GRM5: variants seen among roughly 807,000 people sequenced by gnomAD.
The protein encoded by GRM5 is metabotropic glutamate receptor 5.
Under a neutral mutation model 83.1 loss-of-function variants are expected in GRM5, and 19 were observed. The ratio of observed to expected loss-of-function variants is 0.23; its 90% CI spans 0.16 to 0.34. GRM5 has a LOEUF of 0.34. GRM5 is among the 10% of genes least tolerant of loss of function. The pLI, the probability that GRM5 is intolerant of heterozygous loss-of-function variation, is 1.00. For missense variants in GRM5, 1,160 were observed against 1,588.3 expected, an observed-to-expected ratio of 0.73 and a Z score of 4.58; for synonymous variants, 675 against 633.6, an observed-to-expected ratio of 1.07 and a Z score of -0.98.
In GRM5 at chr11:88,914,739, A is replaced by G. The variant is rs139754920; in HGVS notation, c.662-64584T>C. On this transcript the variant is annotated intron_variant, in intron 2 of 9. Coordinates refer to ENST00000305447, the MANE Select transcript of GRM5 (RefSeq NM_001143831.3). Reference sequence around the variant, plus strand: ...TAACTGCATAGTGAATTAAAGGTCAACAATATCCACTTTACTTTCAAGGAA... The same window carrying G: ...TAACTGCATAGTGAATTAAAGGTCAGCAATATCCACTTTACTTTCAAGGAA... Among the ~76,000 whole-genome samples, 457 of 152,306 alleles carry G rather than the reference A, an allele frequency of 3.0e-3. 1 individual carries two copies. Among genetic ancestry groups the G allele is most frequent in the African/African-American group, 9.6e-3 (400 of 41,572 alleles).
intron 2 of GRM5, among the ~76,000 whole-genome samples, chr11:89,016,505 T>C (rs1404110362): frequency 6.6e-6 from 1 of 152,134 alleles, no homozygotes; most frequent in East Asian, 1.9e-4. Context: ...TATTTTGTGG[T>C]GGTAGTATTT....
At chr11:88,936,864 G>T (rs1334072524) in intron 2 of GRM5, among the ~76,000 whole-genome samples, 2 of 151,688 alleles carry the variant, frequency 1.3e-5, no homozygotes, top group Admixed American at 6.6e-5. Context: ...CATTGAGAAA[G>T]GAGCAAAGCC....
chr11:88,903,727 G>T (rs1280708425), intron 2 of GRM5, among the ~76,000 whole-genome samples: 3 of 152,160 alleles, frequency 2.0e-5, no homozygotes, highest in Non-Finnish European at 1.5e-5. Context: ...TGTAATGATG[G>T]ATAATAGAGA....
chr11:88,563,702 C>T (rs962167676), intron 8 of GRM5, among the ~76,000 whole-genome samples: 1 of 152,100 alleles, frequency 6.6e-6, no homozygotes, highest in Admixed American at 6.6e-5. Flanking sequence ...ATTTTCAAGA[C>T]TGAGAAGCAC....
Position 88,567,824 on chromosome 11 carries a change from A to G in GRM5, c.1859T>C (p.Ile620Thr). The G allele has an allele frequency of 6.2e-7, 1 of 1,614,140 alleles. No homozygotes were observed. The highest frequency in any genetic ancestry group is 8.5e-7 in the Non-Finnish European group (1 of 1,179,954). The change falls in exon 8 of 10, where the codon ATT becomes ACT. Residue 620 changes from isoleucine (I) to threonine (T), a missense_variant. Around this residue, in one of 9 missense-constraint regions of GRM5, gnomAD observed 132 missense variants for 245.5 expected, o/e 0.54. Coordinates refer to ENST00000305447, the MANE Select transcript of GRM5 (RefSeq NM_001143831.3). The surrounding 1 kb of genome is among the most constrained non-coding windows in gnomAD (Gnocchi z 7.3). Reference protein sequence around the residue: ...VKSSSRELCYIILAGICLGYL... With the variant: ...VKSSSRELCYTILAGICLGYL... ...GCCCAGGCAGATGCCAGCAAGGATA[A>G]TGTAGCAGAGTTCCCTGCTTGAGGA...
chr11:88,764,082 G>GA lies in GRM5; in HGVS notation c.911+85823dup, dbSNP rs530896430. The stretch of plus-strand genomic sequence containing the variant: ...AGAAAATATTATTATATTACTGTTA[G>GA]AAAAAAGAGACTTTAAATTTGAAAG... On this transcript the variant is annotated intron_variant, in intron 3 of 9. Coordinates refer to ENST00000305447, the MANE Select transcript of GRM5 (RefSeq NM_001143831.3). Among the ~76,000 whole-genome samples, 314 of 151,674 alleles carry GA rather than the reference G, an allele frequency of 2.1e-3. 3 individuals are homozygous for GA. Among genetic ancestry groups the GA allele is most frequent in the African/African-American group, 5.8e-3 (240 of 41,478 alleles).
At chr11:88,871,826 A>T (rs1483965050) in intron 2 of GRM5, among the ~76,000 whole-genome samples, 8 of 151,520 alleles carry the variant, frequency 5.3e-5, no homozygotes, top group Non-Finnish European at 1.2e-4. Context: ...TATTAAAGTT[A>T]TTTACTAGAC....
chr11:88,868,007 G>A (rs2135558313), intron 2 of GRM5, among the ~76,000 whole-genome samples: 1 of 151,996 alleles, frequency 6.6e-6, no homozygotes, highest in East Asian at 1.9e-4. Flanking sequence ...ACTTGGAAAG[G>A]GCATTGGCCT....
chr11:88,812,448 A>G (rs996112562), intron 3 of GRM5, among the ~76,000 whole-genome samples: 1 of 152,192 alleles, frequency 6.6e-6, no homozygotes, highest in African/African-American at 2.4e-5. Flanking sequence ...TGGAAATGTT[A>G]AATTATTTGC....
intron 8 of GRM5, among the ~76,000 whole-genome samples, chr11:88,561,128 T>C (rs1415444125): frequency 1.3e-5 from 2 of 152,100 alleles, no homozygotes; most frequent in African/African-American, 2.4e-5. Flanking sequence ...ATATAAGCCA[T>C]TGGAAATTAT....
At chr11:88,543,428 CAGA>C (rs971952256) in intron 8 of GRM5, among the ~76,000 whole-genome samples, 4 of 152,082 alleles carry the variant, frequency 2.6e-5, no homozygotes, top group African/African-American at 4.8e-5. Flanking sequence ...AATAAAATAG[CAGA>C]AGGTTTCTGA....
chr11:88,674,723 C>T (rs1395377681), intron 3 of GRM5, among the ~76,000 whole-genome samples: 2 of 151,784 alleles, frequency 1.3e-5, no homozygotes, highest in Admixed American at 1.3e-4. Flanking sequence ...TATTTTTTTC[C>T]CTTGACTGTC....
At chr11:89,062,082 A>C (rs925708895) in intron 1 of GRM5, among the ~76,000 whole-genome samples, 2 of 152,200 alleles carry the variant, frequency 1.3e-5, no homozygotes, top group African/African-American at 4.8e-5. Context: ...GCACACTACT[A>C]ACCCAATGAG....
At chr11:88,557,122 A>G (rs1168971590) in intron 8 of GRM5, among the ~76,000 whole-genome samples, 1 of 152,134 alleles carries the variant, frequency 6.6e-6, no homozygotes, top group Admixed American at 6.6e-5. Context: ...TTTTGGTTCT[A>G]CCACCTATTA....
Position 88,994,095 on chromosome 11 carries a change from A to C in GRM5, c.661+53117T>G, listed in dbSNP as rs183928833. On this transcript the variant is annotated intron_variant, in intron 2 of 9. Transcript: ENST00000305447. ...TACTAACAATGAACCATCCCCCCCA[A>C]AAAAAATAAGAATATAATCTTATTT... 8.3e-3 allele frequency among the ~76,000 whole-genome samples: 1,259 copies of C among 151,592 alleles called. 13 individuals carry two copies. Among genetic ancestry groups the C allele is most frequent in the African/African-American group, 0.023 (931 of 41,098 alleles).
intron 3 of GRM5, among the ~76,000 whole-genome samples, chr11:88,660,210 A>G (rs1939869301): frequency 6.6e-6 from 1 of 152,158 alleles, no homozygotes; most frequent in African/African-American, 2.4e-5. Flanking sequence ...CAATCTTTCC[A>G]TAAACAGTAG....
intron 3 of GRM5, among the ~76,000 whole-genome samples, chr11:88,719,345 A>G (rs1456667105): frequency 6.6e-6 from 1 of 151,994 alleles, no homozygotes; most frequent in Admixed American, 6.6e-5. Flanking sequence ...GTGTCTGCTG[A>G]GGATAATGGC....
At chr11:88,813,675 A>G (rs1943622912) in intron 3 of GRM5, among the ~76,000 whole-genome samples, 1 of 152,080 alleles carries the variant, frequency 6.6e-6, no homozygotes, top group Non-Finnish European at 1.5e-5. Flanking sequence ...ACAGACTATG[A>G]ACCTTTTGTA....
chr11:88,877,387 T>C (rs1017499287), intron 2 of GRM5, among the ~76,000 whole-genome samples: 2 of 152,110 alleles, frequency 1.3e-5, no homozygotes, highest in African/African-American at 4.8e-5. Context: ...CTGGCAAAGA[T>C]GTGAAGCAAG....
Sources: gnomAD v4.1 joint callset for allele counts (sites outside exome capture counted in the v4.1 genomes callset) on GRCh38, gnomAD v4.1.1 for gene constraint, gnomAD v4.1.1 regional missense constraint, Gnocchi (gnomAD v3.1) non-coding constraint, MANE v1.5 for transcripts, NCBI Gene and HGNC (gene_info 2026-07-23, HGNC 2026-07-21) for gene names.